Variants in BRWD1 observed in about 807,000 individuals in gnomAD.
BRWD1 encodes the protein bromodomain and WD repeat domain containing 1, also known as bromodomain and WD repeat-containing protein 1.
Under a neutral mutation model 251.2 loss-of-function variants are expected in BRWD1, and 82 were observed. The observed-to-expected ratio is 0.33, with a 90% confidence interval of 0.27 to 0.39. The LOEUF (loss-of-function observed/expected upper bound fraction) is 0.39, where lower values mean the gene tolerates loss of function less well. Among genes scored for constraint, BRWD1 ranks in the 10% least tolerant of loss-of-function variants. BRWD1 has a pLI of 1.00. For synonymous variants in BRWD1, 918 were observed against 902.8 expected (o/e 1.02, Z -0.30); for missense variants, 2,233 against 2,711.6 (o/e 0.82, Z 3.92).
At chr21:39,231,074 C>T (rs996619227) in intron 25 of BRWD1, among the ~76,000 whole-genome samples, 7 of 152,088 alleles carry the variant, frequency 4.6e-5, no homozygotes, top group Non-Finnish European at 7.3e-5. Flanking sequence ...CTAACTTATA[C>T]AAGCAGAGCC....
At chr21:39,215,626 C>T (rs528811453) in intron 31 of BRWD1, among the ~76,000 whole-genome samples, 2 of 152,212 alleles carry the variant, frequency 1.3e-5, no homozygotes, top group Admixed American at 1.3e-4. Context: ...AACTACCCTC[C>T]CTTTTCATAC....
chr21:39,305,428 T>C (rs2036255265), intron 4 of BRWD1, among the ~76,000 whole-genome samples: 1 of 152,108 alleles, frequency 6.6e-6, no homozygotes, highest in African/African-American at 2.4e-5. Context: ...ACTACTCTCT[T>C]TTAAGGTAGC....
Position 39,197,053 on chromosome 21 carries a change from T to C in BRWD1, c.6016A>G (p.Ser2006Gly). Residue 2006 changes from serine (S) to glycine (G), a missense_variant, in exon 41 of 41, where the codon AGT becomes GGT. Physicochemically the swap from Ser to Gly is moderately conservative, Grantham distance 56. Coordinates refer to ENST00000342449, the MANE Select transcript of BRWD1 (RefSeq NM_033656.4). ...GKPPDPDSEG[S>G]TKVLSQALNG... ...AGAGCCTGACTAAGCACTTTTGTAC[T>C]ACCTTCGGAGTCAGGATCAGGTGGC... 2 of 1,614,158 alleles carry C rather than the reference T, an allele frequency of 1.2e-6. No individual in the cohort carries two copies. Among genetic ancestry groups the C allele is most frequent in the South Asian group, 1.1e-5 (1 of 91,086 alleles).
chr21:39,309,708 C>G (rs1601514135), intron 4 of BRWD1, among the ~76,000 whole-genome samples: 1 of 151,866 alleles, frequency 6.6e-6, no homozygotes, highest in Admixed American at 6.6e-5. Flanking sequence ...GCCTGTAGTC[C>G]CAGCTACTCG....
At chr21:39,297,148 G>A in intron 5 of BRWD1, 2 of 985,346 alleles carry the variant, frequency 2.0e-6, no homozygotes, top group South Asian at 9.4e-5. Flanking sequence ...TCCTCTATAG[G>A]AGATAGCAGC....
Position 39,276,164 on chromosome 21 carries a change from C to CA in BRWD1, c.1145+8dup. 1.9e-6 allele frequency: 3 copies of CA among 1,605,964 alleles called. No homozygotes were observed. Among genetic ancestry groups the CA allele is most frequent in the Non-Finnish European group, 1.7e-6 (2 of 1,174,928 alleles). ...AACACACACACACACATACAAAACACACACTTACCGATCACCATTGTTACA... is the reference window on the plus strand; with the variant it reads ...AACACACACACACACATACAAAACACAACACTTACCGATCACCATTGTTACA... On this transcript the variant is annotated intron_variant, in intron 12 of 40. Coordinates refer to ENST00000342449, the MANE Select transcript of BRWD1 (RefSeq NM_033656.4).
At chr21:39,257,933 T>C (rs180792450) in intron 18 of BRWD1, among the ~76,000 whole-genome samples, 1 of 152,196 alleles carries the variant, frequency 6.6e-6, no homozygotes. Context: ...CAAAGTCTTA[T>C]GCTGTAAGTT....
Position 39,274,218 on chromosome 21 carries a change from G to A in BRWD1, c.1244+156C>T, listed in dbSNP as rs117056699. ...TCTCTGTTCACCTGATATGCAGTAC[G>A]CAGCTATTCACTTATACCACAGCTC... On this transcript the variant is annotated intron_variant, in intron 13 of 40. Coordinates refer to ENST00000342449, the MANE Select transcript of BRWD1 (RefSeq NM_033656.4). Among the ~76,000 whole-genome samples, 70 of 152,140 alleles carry A rather than the reference G, an allele frequency of 4.6e-4. No homozygotes were observed. The East Asian group carries it at 0.012, about 27-fold the overall frequency.
intron 18 of BRWD1, among the ~76,000 whole-genome samples, chr21:39,258,001 T>G (rs910548765): frequency 1.3e-5 from 2 of 152,286 alleles, no homozygotes; most frequent in African/African-American, 2.4e-5. Context: ...CATATTGGAC[T>G]AGAAACAAAG....
chr21:39,269,241 A>G (rs2035026124), intron 15 of BRWD1, among the ~76,000 whole-genome samples: 1 of 145,686 alleles, frequency 6.9e-6, no homozygotes, highest in Admixed American at 6.9e-5. Flanking sequence ...ATACATATGC[A>G]AAAAAAAAAA....
chr21:39,300,974 C>A (rs757052297), intron 4 of BRWD1, among the ~76,000 whole-genome samples: 3 of 152,118 alleles, frequency 2.0e-5, no homozygotes, highest in Non-Finnish European at 4.4e-5. Context: ...GTCAGGAGAT[C>A]GAGACCATCC....
chr21:39,200,290 G>A lies in BRWD1; in HGVS notation c.4682C>T (p.Ser1561Phe). The A allele has an allele frequency of 6.2e-7, 1 of 1,614,150 alleles. No individual in the cohort carries two copies. The highest frequency in any genetic ancestry group is 8.5e-7 in the Non-Finnish European group (1 of 1,179,996). Reference sequence around the variant, plus strand: ...GCTTCTGGATAGCCCACTGCGTGAGGAGGATTCACGAGCTCTGGAACTCTC... The same window carrying A: ...GCTTCTGGATAGCCCACTGCGTGAGAAGGATTCACGAGCTCTGGAACTCTC... Reference protein sequence around the residue: ...SKESSRARESSSRSGLSRSSN... With the variant: ...SKESSRARESFSRSGLSRSSN... The change falls in exon 39 of 41, where the codon TCC becomes TTC. Residue 1561 changes from serine (S) to phenylalanine (F), a missense_variant. Physicochemically the swap from Ser to Phe is radical, Grantham distance 155. Coordinates refer to ENST00000342449, the MANE Select transcript of BRWD1 (RefSeq NM_033656.4).
At position 39,194,020 on chromosome 21, in the gene BRWD1, A is replaced by AG; in HGVS notation, c.*2238dup. 1.0e-6 allele frequency: 1 copy of AG among 985,576 alleles called. No individual in the cohort carries two copies. Among genetic ancestry groups the AG allele is most frequent in the Non-Finnish European group, 1.2e-6 (1 of 829,732 alleles). The allele number at this position is 985,576 out of a possible 1,614,324, so 61.1% of individuals were successfully genotyped here. ...TGTCGGCTATGCTTTTAAAGACATCAGGTCCATTCTTGCTGCTTCTGATGA... is the reference window on the plus strand; with the variant it reads ...TGTCGGCTATGCTTTTAAAGACATCAGGGTCCATTCTTGCTGCTTCTGATGA... On this transcript the variant is annotated 3_prime_UTR_variant, in exon 41 of 41. Coordinates refer to ENST00000342449, the MANE Select transcript of BRWD1 (RefSeq NM_033656.4).
chr21:39,265,003 T>C lies in BRWD1; in HGVS notation c.1547A>G (p.His516Arg). ...HYFNMIEGQG[H>R]GAVFDCKFSQ... ...AAACTTACAGTCAAACACAGCTCCA[T>C]GTCCTTGTCCTTCAATCTAGGAAAC... The change falls in exon 16 of 41, where the codon CAT becomes CGT. Residue 516 changes from histidine to arginine, a missense_variant. Around this residue, in one of 12 missense-constraint regions of BRWD1, gnomAD observed 315 missense variants for 421.8 expected, o/e 0.75. Coordinates refer to ENST00000342449, the MANE Select transcript of BRWD1 (RefSeq NM_033656.4). 1 of 1,612,846 alleles carries C rather than the reference T, an allele frequency of 6.2e-7. No individual in the cohort carries two copies. Among genetic ancestry groups the C allele is most frequent in the Non-Finnish European group, 8.5e-7 (1 of 1,179,684 alleles).
intron 12 of BRWD1, among the ~76,000 whole-genome samples, chr21:39,275,087 A>AG (rs890664261): frequency 6.6e-6 from 1 of 152,156 alleles, no homozygotes; most frequent in Non-Finnish European, 1.5e-5. Context: ...GAAAAAAAAA[A>AG]CAGAAAAAAG....
chr21:39,316,430 A>G (rs2036699151), upstream of BRWD1, among the ~76,000 whole-genome samples: 1 of 152,210 alleles, frequency 6.6e-6, no homozygotes, highest in African/African-American at 2.4e-5. Flanking sequence ...TGATGCTGCA[A>G]GATTACCAGT....
chr21:39,295,385 C>T (rs975456964), intron 7 of BRWD1, among the ~76,000 whole-genome samples: 1 of 151,858 alleles, frequency 6.6e-6, no homozygotes, highest in Non-Finnish European at 1.5e-5. Context: ...GATGGGGTTT[C>T]ACCGTGTTAG....
chr21:39,196,594 C>G lies in BRWD1; in HGVS notation c.6475G>C (p.Asp2159His), dbSNP rs768420199. ...TCTGATTCAGTTACAGATCCCAAATCTGATGATTTGGAACTAGTATCAGGT... is the reference window on the plus strand; with the variant it reads ...TCTGATTCAGTTACAGATCCCAAATGTGATGATTTGGAACTAGTATCAGGT... ...FRPDTSSKSSDLGSVTESDID... is the reference protein window; with the variant it reads ...FRPDTSSKSSHLGSVTESDID... The change falls in exon 41 of 41, where the codon GAT becomes CAT. Residue 2159 changes from aspartate (D) to histidine (H), a missense_variant. Asp to His is a moderately conservative substitution (Grantham distance 81). Around this residue, in one of 12 missense-constraint regions of BRWD1, gnomAD observed 928 missense variants for 970.0 expected, o/e 0.96. Coordinates refer to ENST00000342449, the MANE Select transcript of BRWD1 (RefSeq NM_033656.4). 7 of 1,613,302 alleles carry G rather than the reference C, an allele frequency of 4.3e-6. No individual in the cohort carries two copies. Among genetic ancestry groups the G allele is most frequent in the South Asian group, 1.1e-5 (1 of 90,970 alleles).
At chr21:39,304,361 A>C (rs923444672) in intron 4 of BRWD1, among the ~76,000 whole-genome samples, 7 of 152,142 alleles carry the variant, frequency 4.6e-5, no homozygotes, top group African/African-American at 1.7e-4. Flanking sequence ...CTATAATCCC[A>C]GCACTTTGGG....
Sources: gnomAD v4.1 joint callset for allele counts (sites outside exome capture counted in the v4.1 genomes callset) on GRCh38, gnomAD v4.1.1 for gene constraint, gnomAD v4.1.1 regional missense constraint, MANE v1.5 for transcripts, NCBI Gene and HGNC (gene_info 2026-07-23, HGNC 2026-07-21) for gene names.